HACL1: variants seen among roughly 807,000 people sequenced by gnomAD.
HACL1 encodes 1600020H07Rik.
HACL1 carries 64 observed loss-of-function variants against 74.2 expected under a neutral mutation model. The ratio of observed to expected loss-of-function variants is 0.86; its 90% CI spans 0.70 to 1.06. The LOEUF (loss-of-function observed/expected upper bound fraction) is 1.06. Ranked by LOEUF, HACL1 falls within the 50% of genes least tolerant of loss-of-function variation. The pLI, the probability that HACL1 is intolerant of heterozygous loss-of-function variation, is 0.00. For missense variants in HACL1, 728 were observed against 719.7 expected (o/e 1.01, Z -0.13); for synonymous variants, 230 against 238.8 (o/e 0.96, Z 0.34).
At chr3:15,589,255 G>A (rs2063849141) in intron 5 of HACL1, among the ~76,000 whole-genome samples, 1 of 152,144 alleles carries the variant, frequency 6.6e-6, no homozygotes, top group African/African-American at 2.4e-5. Context: ...CCAGCACTTT[G>A]GAAAGCTGAG....
intron 15 of HACL1, 41 bp downstream of exon 15, chr3:15,564,510 G>A (rs377588785): frequency 9.3e-6 from 8 of 862,272 alleles, no homozygotes; most frequent in Non-Finnish European, 1.3e-5. Flanking sequence ...AGATTAAAAC[G>A]GGAAAGAGAA....
At chr3:15,593,347 G>GGGACTACA (rs1559562847) in intron 3 of HACL1, among the ~76,000 whole-genome samples, 5 of 151,748 alleles carry the variant, frequency 3.3e-5, no homozygotes. Flanking sequence ...CCAAGTAACC[G>GGGACTACA]GGACTACAGG....
rs752636565 is a variant in HACL1, at chr3:15,574,969, C to T, written c.909+8G>A. On this transcript the variant is annotated splice_region_variant and intron_variant, in intron 10 of 16. Coordinates refer to ENST00000321169, the MANE Select transcript of HACL1 (RefSeq NM_012260.4). ...ATTTCTGATTTTAAGTTCCTCCTCT[C>T]TAAGTACCTGGATAAACTTCACATC... 7 of 1,318,500 alleles carry T rather than the reference C, an allele frequency of 5.3e-6. No individual in the cohort carries two copies. The South Asian group carries it at 8.4e-5, about 16-fold the overall frequency. 81.7% of individuals were successfully genotyped at this position (1,318,500 alleles called of 1,614,324 possible). A position where few individuals can be genotyped will look rare whatever the true frequency, so the allele number is the denominator to read the frequency against.
At chr3:15,599,532 C>G (rs557821064) in intron 2 of HACL1, among the ~76,000 whole-genome samples, 72 of 152,010 alleles carry the variant, frequency 4.7e-4, no homozygotes, top group Admixed American at 7.9e-4. Flanking sequence ...AAAATTCAAA[C>G]TCTTTTTAGA....
At chr3:15,592,405 G>T (rs559365706) in intron 3 of HACL1, among the ~76,000 whole-genome samples, 56 of 149,956 alleles carry the variant, frequency 3.7e-4, no homozygotes, top group Middle Eastern at 7.0e-3. Flanking sequence ...TATACATGTA[G>T]ACACACGTAT....
chr3:15,574,828 T>C (rs2063594434), intron 10 of HACL1, 149 bp downstream of exon 10: 1 of 470,646 alleles, frequency 2.1e-6, no homozygotes, highest in Admixed American at 3.6e-5. Context: ...GTACCTATAA[T>C]TATGTTAGAC....
intron 3 of HACL1, among the ~76,000 whole-genome samples, 187 bp from the exon 4 acceptor site, chr3:15,591,867 T>C (rs2063903052): frequency 6.6e-6 from 1 of 150,930 alleles, no homozygotes; most frequent in Non-Finnish European, 1.5e-5. Flanking sequence ...TCGCGATATA[T>C]ATACATACAC....
intron 4 of HACL1, among the ~76,000 whole-genome samples, chr3:15,589,852 T>C (rs189721307): frequency 8.8e-4 from 134 of 152,146 alleles, no homozygotes; most frequent in Middle Eastern, 6.8e-3. Context: ...ATGGCCAACA[T>C]GGTGAAACCC....
At chr3:15,591,734 T>C in intron 3 of HACL1, 54 bp from the exon 4 acceptor site, 1 of 1,160,874 alleles carries the variant, frequency 8.6e-7, no homozygotes, top group South Asian at 1.3e-5. Flanking sequence ...AACTGATTCA[T>C]AACACTTTAG....
chr3:15,564,132 T>A (rs754326136), intron 15 of HACL1, among the ~76,000 whole-genome samples: 4 of 152,242 alleles, frequency 2.6e-5, no homozygotes, highest in Non-Finnish European at 5.9e-5. Context: ...ACTGTCTTAA[T>A]CTGGCTCTGC....
At chr3:15,600,647 A>C (rs939875499) in intron 2 of HACL1, among the ~76,000 whole-genome samples, 2 of 152,222 alleles carry the variant, frequency 1.3e-5, no homozygotes, top group Non-Finnish European at 1.5e-5. Context: ...TCACTCATTT[A>C]TCCCACAGGT....
chr3:15,564,398 C>A (rs1335013374), intron 15 of HACL1, among the ~76,000 whole-genome samples, 153 bp downstream of exon 15: 1 of 152,190 alleles, frequency 6.6e-6, no homozygotes, highest in Admixed American at 6.5e-5. Flanking sequence ...CAAAGAGGAA[C>A]TAAGACAGGA....
rs1559560820 is a variant in HACL1 at position 15,592,091 on chromosome 3, C to CGTAT, written c.228-412_228-411insATAC. ...GTATATACGTATACGTATATATACA[C>CGTAT]ACACTATATACGTATATATACACAC... On this transcript the variant is annotated intron_variant, in intron 3 of 16. Coordinates refer to ENST00000321169, the MANE Select transcript of HACL1 (RefSeq NM_012260.4). Among the ~76,000 whole-genome samples, 345 of 137,490 alleles carry CGTAT rather than the reference C, an allele frequency of 2.5e-3. 2 individuals are homozygous for CGTAT. The highest frequency in any genetic ancestry group is 0.01 in the African/African-American group (331 of 32,740). The allele number at this position is 137,490 out of a possible 152,430, so 90.2% of individuals were successfully genotyped here.
chr3:15,567,993 A>G lies in HACL1; in HGVS notation c.1260T>C (p.Ala420=), dbSNP rs371730339. The change falls in exon 14 of 17, where the codon GCT becomes GCC. Residue 420 remains alanine (A), a synonymous_variant. Coordinates refer to ENST00000321169, the MANE Select transcript of HACL1 (RefSeq NM_012260.4). ...CAACTCCCATTGTTCCGAAAGTACC[A>G]GCATCAAGCCTGTTGGAGAACAAAG... ...QNYLPRHRLD[A]GTFGTMGVGL... 5.0e-6 allele frequency: 8 copies of G among 1,614,074 alleles called. No individual in the cohort carries two copies. The African/African-American group carries it at 8.0e-5, about 16-fold the overall frequency.
chr3:15,569,156 C>T (rs1447840744), intron 12 of HACL1, among the ~76,000 whole-genome samples: 1 of 152,168 alleles, frequency 6.6e-6, no homozygotes, highest in Non-Finnish European at 1.5e-5. Flanking sequence ...TGTCTAGCCA[C>T]ATGCCTTTCA....
intron 16 of HACL1, among the ~76,000 whole-genome samples, chr3:15,562,448 T>C (rs1024942721): frequency 6.6e-6 from 1 of 152,186 alleles, no homozygotes; most frequent in African/African-American, 2.4e-5. Context: ...ATTCTATATA[T>C]TTTAGTGTCT....
Position 15,571,788 on chromosome 3 carries a change from C to CACACACACAA in HACL1, c.994-29_994-20dup. On this transcript the variant is annotated intron_variant, in intron 11 of 16. Transcript: ENST00000321169. The stretch of plus-strand genomic sequence containing the variant: ...CTAAAAGCTTAAAAAAAAAAAAACA[C>CACACACACAA]ACACACACAAACACATAAACTTTTT... 1 of 798,730 alleles carries CACACACACAA rather than the reference C, an allele frequency of 1.3e-6. No homozygotes were observed. The highest frequency in any genetic ancestry group is 2.7e-5 in the East Asian group (1 of 37,600). The allele number at this position is 798,730 out of a possible 1,614,324, so 49.5% of individuals were successfully genotyped here.
At chr3:15,600,640 C>T (rs148332145) in intron 2 of HACL1, among the ~76,000 whole-genome samples, 1,777 of 152,340 alleles carry the variant, frequency 0.012, 19 homozygotes, top group Admixed American at 0.026. Flanking sequence ...TTGGCCTTCA[C>T]TCATTTATCC....
At position 15,571,704 on chromosome 3, in the gene HACL1, C is replaced by G. The variant is rs370101795; in HGVS notation, c.1059G>C (p.Leu353=). The G allele has an allele frequency of 9.7e-6, 15 of 1,548,476 alleles. No individual in the cohort carries two copies. Among genetic ancestry groups the G allele is most frequent in the African/African-American group, 1.4e-5 (1 of 73,322 alleles). The change falls in exon 12 of 17, where the codon CTG becomes CTC. Residue 353 remains leucine (L), a synonymous_variant. Coordinates refer to ENST00000321169, the MANE Select transcript of HACL1 (RefSeq NM_012260.4). ...YPPESKWWKT[L]REKMKSNEAA... is the part of the protein sequence containing the mutation. ...CTTCATTGCTCTTCATTTTTTCTCT[C>G]AGAGTTTTCCACCACTTGCTCTCTG...
Sources: gnomAD v4.1 joint callset for allele counts (sites outside exome capture counted in the v4.1 genomes callset) on GRCh38, gnomAD v4.1.1 for gene constraint, MANE v1.5 for transcripts, NCBI Gene and HGNC (gene_info 2026-07-23, HGNC 2026-07-21) for gene names.